CNBD1: variants seen among roughly 807,000 people sequenced by gnomAD.
CNBD1 encodes cyclic nucleotide-binding domain-containing protein 1.
In CNBD1, 71 loss-of-function variants were observed where a neutral mutation model predicts 54.4. The observed-to-expected ratio is 1.30, with a 90% CI of 1.08 to 1.59. The LOEUF (loss-of-function observed/expected upper bound fraction) is 1.59, where lower values mean the gene tolerates loss of function less well. Among genes scored for constraint, CNBD1 ranks in the 40% most tolerant of loss-of-function variants. The pLI, the probability that CNBD1 is intolerant of heterozygous loss-of-function variation, is 0.00. For synonymous variants in CNBD1, 182 were observed against 170.7 expected (o/e 1.07, Z -0.51); for missense variants, 659 against 518.0 (o/e 1.27, Z -2.64).
At chr8:87,357,390 G>T (rs1810440551) in intron 10 of CNBD1, among the ~76,000 whole-genome samples, 2 of 152,178 alleles carry the variant, frequency 1.3e-5, no homozygotes, top group South Asian at 2.1e-4. Flanking sequence ...ATCCAGCAAA[G>T]CTGCAAGGGT....
At chr8:87,186,022 C>T (rs1182694848) in intron 4 of CNBD1, among the ~76,000 whole-genome samples, 6 of 151,958 alleles carry the variant, frequency 3.9e-5, no homozygotes, top group African/African-American at 4.8e-5. Flanking sequence ...TTGTCTTTGC[C>T]TGATGTTCAA....
intron 4 of CNBD1, among the ~76,000 whole-genome samples, chr8:87,056,263 T>C (rs1358835873): frequency 6.6e-6 from 1 of 152,160 alleles, no homozygotes; most frequent in Non-Finnish European, 1.5e-5. Context: ...CATGGTCATG[T>C]GGCCCCATAT....
intron 4 of CNBD1, among the ~76,000 whole-genome samples, chr8:87,198,769 T>C (rs538202083): frequency 6.6e-6 from 1 of 152,326 alleles, no homozygotes; most frequent in Non-Finnish European, 1.5e-5. Context: ...ATATGGACTT[T>C]ACAGAATTAG....
intron 8 of CNBD1, among the ~76,000 whole-genome samples, chr8:87,315,458 A>G (rs1032974268): frequency 6.6e-6 from 1 of 151,872 alleles, no homozygotes; most frequent in South Asian, 2.1e-4. Flanking sequence ...GCTTCTGGTG[A>G]GGACCTCAGG....
chr8:87,416,573 T>G (rs1034370253), intron 2 of CNBD1, among the ~76,000 whole-genome samples: 4 of 152,038 alleles, frequency 2.6e-5, no homozygotes, highest in Admixed American at 6.6e-5. Context: ...AAATGCCTCA[T>G]TCCCAGACAA....
chr8:87,011,308 C>T (rs560589418), intron 4 of CNBD1, among the ~76,000 whole-genome samples: 107 of 151,916 alleles, frequency 7.0e-4, no homozygotes, highest in Non-Finnish European at 1.3e-3. Flanking sequence ...CCTCCACCCT[C>T]GTGTAGCTTA....
At chr8:86,932,871 C>G (rs180977972) in intron 3 of CNBD1, among the ~76,000 whole-genome samples, 1 of 152,096 alleles carries the variant, frequency 6.6e-6, no homozygotes, top group Admixed American at 6.5e-5. Context: ...TGCAATGGTC[C>G]CTGGACCCTG....
intron 4 of CNBD1, among the ~76,000 whole-genome samples, chr8:87,020,220 A>AT (rs971514618): frequency 3.4e-4 from 51 of 150,356 alleles, no homozygotes; most frequent in African/African-American, 9.7e-4. Context: ...CTGATCTAGG[A>AT]TTTTTTTTTT....
intron 6 of CNBD1, among the ~76,000 whole-genome samples, chr8:87,268,158 T>C (rs901262524): frequency 2.0e-5 from 3 of 152,134 alleles, no homozygotes; most frequent in Non-Finnish European, 4.4e-5. Flanking sequence ...TTTGTGTCCA[T>C]GTGTATTCAA....
intron 4 of CNBD1, among the ~76,000 whole-genome samples, chr8:87,139,541 A>G (rs1812329778): frequency 6.6e-6 from 1 of 152,138 alleles, no homozygotes; most frequent in African/African-American, 2.4e-5. Context: ...ACTAATTGGC[A>G]TGTATGGGCA....
rs772836598 is a variant in CNBD1 at position 87,237,089 on chromosome 8, T to C, written c.748T>C (p.Tyr250His). 1 of 1,610,150 alleles carries C rather than the reference T, an allele frequency of 6.2e-7. No individual in the cohort carries two copies. Among genetic ancestry groups the C allele is most frequent in the Non-Finnish European group, 8.5e-7 (1 of 1,177,524 alleles). ...EFKNSTLAEM[Y>H]LPSYDSMLSK... ...CAAAAACTCTACACTTGCTGAGATG[T>C]ACCTACCTTCATATGACTCAATGGT... Residue 250 changes from tyrosine to histidine, a missense_variant, in exon 6 of 11, where the codon TAC becomes CAC. By Grantham distance (83) the Tyr-to-His change is moderately conservative. Coordinates refer to ENST00000518476, the MANE Select transcript of CNBD1 (RefSeq NM_173538.3).
At chr8:87,379,644 G>A (rs918998787) in intron 10 of CNBD1, among the ~76,000 whole-genome samples, 1 of 151,822 alleles carries the variant, frequency 6.6e-6, no homozygotes, top group Non-Finnish European at 1.5e-5. Context: ...ATAATGTAAT[G>A]GTCATAAAAG....
intron 4 of CNBD1, among the ~76,000 whole-genome samples, chr8:87,043,645 C>T (rs547761987): frequency 2.5e-4 from 38 of 152,310 alleles, no homozygotes; most frequent in African/African-American, 8.4e-4. Context: ...GGAGCTGTAG[C>T]TAACCAGCAG....
At chr8:86,961,286 G>C (rs1357790625) in intron 4 of CNBD1, among the ~76,000 whole-genome samples, 6 of 152,118 alleles carry the variant, frequency 3.9e-5, no homozygotes, top group African/African-American at 1.4e-4. Context: ...CAAAATTTCA[G>C]GTAAATTGGT....
At position 87,286,607 on chromosome 8, in the gene CNBD1, G is replaced by T. The variant is rs1266080541; in HGVS notation, c.978G>T (p.Trp326Cys). 1 of 1,511,206 alleles carries T rather than the reference G, an allele frequency of 6.6e-7. No individual in the cohort carries two copies. Among genetic ancestry groups the T allele is most frequent in the Non-Finnish European group, 9.0e-7 (1 of 1,109,460 alleles). The allele number at this position is 1,511,206 out of a possible 1,614,324, so 93.6% of individuals were successfully genotyped here. A position where few individuals can be genotyped will look rare whatever the true frequency, so the allele number is the denominator to read the frequency against. Reference protein sequence around the residue: ...LIRMCPYYEEWPTLSIYELIA... With the variant: ...LIRMCPYYEECPTLSIYELIA... Reference sequence around the variant, plus strand: ...GTATGTGTCCTTATTATGAGGAATGGCCTACTTTATCCATATATGAGCTAA... The same window carrying T: ...GTATGTGTCCTTATTATGAGGAATGTCCTACTTTATCCATATATGAGCTAA... The change falls in exon 8 of 11, where the codon TGG becomes TGT. Residue 326 changes from tryptophan (W) to cysteine (C), a missense_variant. By Grantham distance (215) the Trp-to-Cys change is radical. Coordinates refer to ENST00000518476, the MANE Select transcript of CNBD1 (RefSeq NM_173538.3).
intron 8 of CNBD1, among the ~76,000 whole-genome samples, chr8:87,344,884 A>G (rs547824182): frequency 3.4e-4 from 52 of 152,272 alleles, no homozygotes; most frequent in Non-Finnish European, 6.5e-4. Context: ...AGGATGAGGT[A>G]ACTAATCAGT....
intron 4 of CNBD1, among the ~76,000 whole-genome samples, chr8:87,160,285 ATGTC>A (rs1294077782): frequency 1.3e-5 from 2 of 152,054 alleles, no homozygotes; most frequent in Non-Finnish European, 2.9e-5. Context: ...ATGTTAAAAT[ATGTC>A]TGTCACAGGT....
At chr8:87,001,765 C>A (rs1049895753) in intron 4 of CNBD1, among the ~76,000 whole-genome samples, 3 of 152,104 alleles carry the variant, frequency 2.0e-5, no homozygotes, top group Non-Finnish European at 4.4e-5. Flanking sequence ...TTCTGAGATT[C>A]TTTATTAATG....
chr8:87,415,890 C>A (rs893249678), intron 2 of CNBD1, among the ~76,000 whole-genome samples: 15 of 151,686 alleles, frequency 9.9e-5, no homozygotes, highest in African/African-American at 3.4e-4. Flanking sequence ...AAATAAGAAT[C>A]AAAACAAATT....
Sources: gnomAD v4.1 joint callset for allele counts (sites outside exome capture counted in the v4.1 genomes callset) on GRCh38, gnomAD v4.1.1 for gene constraint, MANE v1.5 for transcripts, NCBI Gene and HGNC (gene_info 2026-07-23, HGNC 2026-07-21) for gene names.